The following TAFA5 variants were observed in gnomAD, a reference collection of about 807,000 sequenced individuals.
The protein encoded by TAFA5 is TAFA chemokine like family member 5.
A neutral mutation model predicts 15.3 loss-of-function variants in TAFA5; 6 were observed. That is an observed-to-expected ratio of 0.39 (90% CI 0.21 to 0.77). The LOEUF is 0.77. TAFA5 is among the 30% of genes least tolerant of loss of function. TAFA5 has a pLI of 0.41. For missense variants in TAFA5, 161 were observed against 193.1 expected, an observed-to-expected ratio of 0.83 and a Z score of 0.98; for synonymous variants, 103 against 80.7, an observed-to-expected ratio of 1.28 and a Z score of -1.48.
intron 1 of TAFA5, among the ~76,000 whole-genome samples, chr22:48,580,655 C>G (rs577877213): frequency 3.3e-5 from 5 of 152,142 alleles, no homozygotes; most frequent in Non-Finnish European, 5.9e-5. Context: ...ACTCACTGCA[C>G]GCGGTGTGTG....
chr22:48,528,432 C>A (rs1921855085), intron 1 of TAFA5, among the ~76,000 whole-genome samples: 1 of 152,144 alleles, frequency 6.6e-6, no homozygotes, highest in African/African-American at 2.4e-5. Context: ...GCAGCCCCTG[C>A]AACCCAGCAC....
chr22:48,566,690 A>ACCTTAGGCAACCT lies in TAFA5; in HGVS notation c.112+76986_112+76987insCCTTAGGCAACCT, dbSNP rs1178695977. Among the ~76,000 whole-genome samples, 2 of 152,116 alleles carry ACCTTAGGCAACCT rather than the reference A, an allele frequency of 1.3e-5. No homozygotes were observed. The highest frequency in any genetic ancestry group is 2.9e-5 in the Non-Finnish European group (2 of 68,006). The stretch of plus-strand genomic sequence containing the variant: ...GCAATACGTTGGGGGGTGGGGTGGA[A>ACCTTAGGCAACCT]TCTTTGCCTAAGAAGGTTGTGAGAA... On this transcript the variant is annotated intron_variant, in intron 1 of 3. Coordinates refer to ENST00000402357, the MANE Select transcript of TAFA5 (RefSeq NM_001082967.3). The surrounding 1 kb of genome is among the most constrained non-coding windows in gnomAD (Gnocchi z 4.5).
At chr22:48,663,485 T>C (rs1299176279) in intron 2 of TAFA5, among the ~76,000 whole-genome samples, 1 of 152,214 alleles carries the variant, frequency 6.6e-6, no homozygotes, top group African/African-American at 2.4e-5. Context: ...AGCATGATTT[T>C]ACCCAGCTGA....
chr22:48,750,888 G>A lies in TAFA5; in HGVS notation c.*1041G>A, dbSNP rs1009281594. ...GAAAATCCTATTTAACAATTAACGTGGCAGTCCCGGCCGTCCTGAGAGTCG... is the reference window on the plus strand; with the variant it reads ...GAAAATCCTATTTAACAATTAACGTAGCAGTCCCGGCCGTCCTGAGAGTCG... On this transcript the variant is annotated 3_prime_UTR_variant, in exon 4 of 4. Transcript: ENST00000402357. 1.3e-5 allele frequency: 2 copies of A among 152,492 alleles called. No homozygotes were observed. The highest frequency in any genetic ancestry group is 4.8e-5 in the African/African-American group (2 of 41,454). 9.4% of individuals were successfully genotyped at this position (152,492 alleles called of 1,614,324 possible).
In TAFA5 at chr22:48,489,632, A is replaced by G; in HGVS notation, c.40A>G (p.Thr14Ala). The G allele has an allele frequency of 6.6e-7, 1 of 1,516,760 alleles. No individual in the cohort carries two copies. The highest frequency in any genetic ancestry group is 8.8e-7 in the Non-Finnish European group (1 of 1,131,902). 94.0% of individuals were successfully genotyped at this position (1,516,760 alleles called of 1,614,324 possible). Residue 14 changes from threonine (T) to alanine (A), a missense_variant, in exon 1 of 4, where the codon ACC (threonine) becomes GCC (alanine). Thr to Ala is a moderately conservative substitution (Grantham distance 58). Transcript: ENST00000402357. This position sits in a 1 kb window ranked among gnomAD's most constrained non-coding sequence, Gnocchi z 5.5. ...CAGGACCGGCAGCCGGCAAGATGCG[A>G]CCGCCCTGCCCAGCATGTCCTCAAC... ...SPRTGSRQDA[T>A]ALPSMSSTFW...
intron 1 of TAFA5, among the ~76,000 whole-genome samples, chr22:48,521,091 C>T (rs528711162): frequency 6.6e-6 from 1 of 152,312 alleles, no homozygotes; most frequent in South Asian, 2.1e-4. Context: ...CCCACCACGG[C>T]CGTAACCGTG....
At chr22:48,609,594 G>A (rs550994728) in intron 1 of TAFA5, among the ~76,000 whole-genome samples, 9 of 152,298 alleles carry the variant, frequency 5.9e-5, no homozygotes, top group South Asian at 2.1e-4. Context: ...GGCCGCCCCC[G>A]TTTCTCCTGC....
chr22:48,532,864 A>C (rs1922020489), intron 1 of TAFA5, among the ~76,000 whole-genome samples: 1 of 152,192 alleles, frequency 6.6e-6, no homozygotes, highest in South Asian at 2.1e-4. Flanking sequence ...TTTGGAGGAC[A>C]CAGGACACAC....
intron 1 of TAFA5, among the ~76,000 whole-genome samples, chr22:48,493,076 G>C (rs987255448): frequency 6.6e-6 from 1 of 152,198 alleles, no homozygotes; most frequent in Non-Finnish European, 1.5e-5. Flanking sequence ...CAGCAAGGGA[G>C]AGAAGCAAAT....
At chr22:48,749,279 TC>T (rs1930413971) in intron 3 of TAFA5, among the ~76,000 whole-genome samples, 1 of 152,130 alleles carries the variant, frequency 6.6e-6, no homozygotes, top group South Asian at 2.1e-4. Context: ...CTCTTTCAGA[TC>T]CCCATCCCCC....
At chr22:48,619,300 AC>A (rs2147180166) in intron 1 of TAFA5, among the ~76,000 whole-genome samples, 1 of 151,970 alleles carries the variant, frequency 6.6e-6, no homozygotes, top group South Asian at 2.1e-4. Context: ...AGACTCTTGG[AC>A]CTCAGACTGG....
Position 48,750,558 on chromosome 22 carries a change from C to A in TAFA5, c.*711C>A. 1 of 152,642 alleles carries A rather than the reference C, an allele frequency of 6.6e-6. No individual in the cohort carries two copies. Among genetic ancestry groups the A allele is most frequent in the Non-Finnish European group, 1.5e-5 (1 of 68,078 alleles). 9.5% of individuals were successfully genotyped at this position (152,642 alleles called of 1,614,324 possible). Reference sequence around the variant, plus strand: ...CTGCGGGAGGCAGCGACGGCCCCCACGCAGACGCCGGGAACGCAGGCCGCT... The same window carrying A: ...CTGCGGGAGGCAGCGACGGCCCCCAAGCAGACGCCGGGAACGCAGGCCGCT... On this transcript the variant is annotated 3_prime_UTR_variant, in exon 4 of 4. Transcript: ENST00000402357.
chr22:48,678,371 C>T lies in TAFA5; in HGVS notation c.263-29346C>T, dbSNP rs576594114. On this transcript the variant is annotated intron_variant, in intron 2 of 3. Coordinates refer to ENST00000402357, the MANE Select transcript of TAFA5 (RefSeq NM_001082967.3). ...CCGAGCCACCCTCGGAGAACTGACC[C>T]TATGCGGGGCAAAGACACAGGCCTC... Among the ~76,000 whole-genome samples, 283 of 152,356 alleles carry T rather than the reference C, an allele frequency of 1.9e-3. 1 individual carries two copies. Among genetic ancestry groups the T allele is most frequent in the Admixed American group, 5.2e-3 (79 of 15,302 alleles).
At chr22:48,619,395 G>A (rs568046827) in intron 1 of TAFA5, among the ~76,000 whole-genome samples, 3 of 152,262 alleles carry the variant, frequency 2.0e-5, no homozygotes, top group Non-Finnish European at 2.9e-5. Context: ...TCACTCTGTC[G>A]CCCAGGCTGG....
At chr22:48,729,664 AATAAAT>A (rs1354339549) in intron 3 of TAFA5, among the ~76,000 whole-genome samples, 5 of 143,886 alleles carry the variant, frequency 3.5e-5, no homozygotes, top group Admixed American at 6.8e-5. Flanking sequence ...ATAAAATATA[AATAAAT>A]ATAAATTTAT....
chr22:48,679,097 C>G (rs866528653), intron 2 of TAFA5, among the ~76,000 whole-genome samples: 2 of 53,340 alleles, frequency 3.7e-5, no homozygotes, highest in African/African-American at 6.0e-5. Context: ...TCCCGGCTCC[C>G]TGTCCATCCC....
chr22:48,706,216 G>A (rs992201120), intron 2 of TAFA5, among the ~76,000 whole-genome samples: 8 of 152,244 alleles, frequency 5.3e-5, no homozygotes, highest in African/African-American at 1.9e-4. Context: ...CAAACATTGA[G>A]CCCCAGGAAG....
chr22:48,694,101 T>A (rs775008673), intron 2 of TAFA5, among the ~76,000 whole-genome samples: 14 of 152,218 alleles, frequency 9.2e-5, no homozygotes, highest in Admixed American at 2.6e-4. Context: ...GTAAGCCGTG[T>A]GACCTTGGGC....
chr22:48,555,037 T>C (rs1381772080), intron 1 of TAFA5, among the ~76,000 whole-genome samples: 1 of 152,218 alleles, frequency 6.6e-6, no homozygotes, highest in Non-Finnish European at 1.5e-5. Flanking sequence ...GAGAAGGCTG[T>C]TCCAGTGGCT....
Sources: gnomAD v4.1 joint callset for allele counts (sites outside exome capture counted in the v4.1 genomes callset) on GRCh38, gnomAD v4.1.1 for gene constraint, Gnocchi (gnomAD v3.1) non-coding constraint, MANE v1.5 for transcripts, NCBI Gene and HGNC (gene_info 2026-07-23, HGNC 2026-07-21) for gene names.